MAGI2: variants seen among roughly 807,000 people sequenced by gnomAD.
The protein encoded by MAGI2 is membrane associated guanylate kinase, WW and PDZ domain containing 2.
A neutral mutation model predicts 133.3 loss-of-function variants in MAGI2; 35 were observed. That is an observed-to-expected ratio of 0.26 (90% CI 0.20 to 0.35). The LOEUF (loss-of-function observed/expected upper bound fraction) is 0.35, where lower values mean the gene tolerates loss of function less well. MAGI2 is among the 10% of genes least tolerant of loss of function. The pLI, the probability that MAGI2 is intolerant of heterozygous loss-of-function variation, is 1.00. For missense variants in MAGI2, 1,636 were observed against 1,863.4 expected, an observed-to-expected ratio of 0.88 and a Z score of 2.25; for synonymous variants, 729 against 710.6, an observed-to-expected ratio of 1.03 and a Z score of -0.41.
At position 79,375,424 on chromosome 7, in the gene MAGI2, T is replaced by G. The variant is rs186427458; in HGVS notation, c.301+77596A>C. 4.5e-4 allele frequency among the ~76,000 whole-genome samples: 69 copies of G among 152,078 alleles called. 1 individual carries two copies. ...CTTCGAAAAAACACTCTTCCTACTG[T>G]GCATATAGTTAGAAAACCTAAAGTA... On this transcript the variant is annotated intron_variant, in intron 1 of 21. Transcript: ENST00000354212.
At chr7:78,692,762 A>G (rs1015524220) in intron 2 of MAGI2, among the ~76,000 whole-genome samples, 8 of 152,202 alleles carry the variant, frequency 5.3e-5, no homozygotes, top group African/African-American at 1.4e-4. Flanking sequence ...ATTAAATAGC[A>G]CACGTATGAA....
intron 6 of MAGI2, among the ~76,000 whole-genome samples, chr7:78,371,087 CAA>C (rs1274069818): frequency 6.6e-6 from 1 of 151,826 alleles, no homozygotes; most frequent in Non-Finnish European, 1.5e-5. Flanking sequence ...ATTTAAATAT[CAA>C]TTCAGAAACT....
chr7:78,669,803 A>G (rs964557007), intron 2 of MAGI2, among the ~76,000 whole-genome samples: 2 of 152,220 alleles, frequency 1.3e-5, no homozygotes, highest in African/African-American at 4.8e-5. Context: ...AGCATATAAC[A>G]GAACCAAAGA....
Position 79,270,005 on chromosome 7 carries a change from T to A in MAGI2, c.301+183015A>T, listed in dbSNP as rs576560616. On this transcript the variant is annotated intron_variant, in intron 1 of 21. Transcript: ENST00000354212. ...TTGCTCCTATAAAAAACATCACTTC[T>A]GTAAAACTTAAGACTTTTTTAGAGA... Among the ~76,000 whole-genome samples, 68 of 152,302 alleles carry A rather than the reference T, an allele frequency of 4.5e-4. 1 individual carries two copies. The South Asian group carries it at 0.014, about 31-fold the overall frequency.
chr7:78,200,612 G>GTAT (rs1829159013), intron 11 of MAGI2, among the ~76,000 whole-genome samples: 1 of 151,844 alleles, frequency 6.6e-6, no homozygotes, highest in African/African-American at 2.4e-5. Flanking sequence ...TATACACAAA[G>GTAT]ACACATACAC....
intron 2 of MAGI2, among the ~76,000 whole-genome samples, chr7:78,675,610 A>G (rs555597731): frequency 1.1e-4 from 17 of 152,252 alleles, no homozygotes; most frequent in African/African-American, 4.1e-4. Flanking sequence ...ATTTTGTTAC[A>G]GATTTACATA....
At chr7:79,333,132 G>T (rs925632400) in intron 1 of MAGI2, among the ~76,000 whole-genome samples, 6 of 151,874 alleles carry the variant, frequency 4.0e-5, no homozygotes, top group African/African-American at 1.2e-4. Flanking sequence ...TCTTTTTTCA[G>T]TATTCATTTT....
intron 2 of MAGI2, among the ~76,000 whole-genome samples, chr7:78,696,178 T>A (rs1817494227): frequency 6.6e-6 from 1 of 152,186 alleles, no homozygotes; most frequent in Non-Finnish European, 1.5e-5. Flanking sequence ...CCTCAAGAGA[T>A]CCTCCTGCCT....
Position 78,019,427 on chromosome 7 carries a change from G to A in MAGI2, c.4256C>T (p.Pro1419Leu). The change falls in exon 22 of 22, where the codon CCG becomes CTG. Residue 1419 changes from proline to leucine, a missense_variant. Transcript: ENST00000354212. ...RAGPRPGPRP[P>L]GGAPARKAAV... ...GGCCTTGCGCGCCGGGGCGCCCCCCGGGGGTCGCGGGCCCGGCCGGGGACC... is the reference window on the plus strand; with the variant it reads ...GGCCTTGCGCGCCGGGGCGCCCCCCAGGGGTCGCGGGCCCGGCCGGGGACC... The A allele has an allele frequency of 4.8e-6, 5 of 1,050,538 alleles. No homozygotes were observed. Among genetic ancestry groups the A allele is most frequent in the Non-Finnish European group, 5.7e-6 (5 of 873,630 alleles). 65.1% of individuals were successfully genotyped at this position (1,050,538 alleles called of 1,614,324 possible). A position where few individuals can be genotyped will look rare whatever the true frequency, so the allele number is the denominator to read the frequency against.
intron 3 of MAGI2, among the ~76,000 whole-genome samples, chr7:78,625,353 A>C (rs2150950476): frequency 6.6e-6 from 1 of 152,176 alleles, no homozygotes; most frequent in East Asian, 1.9e-4. Context: ...ACAATTTTAA[A>C]TAGAAAAAAG....
At chr7:78,913,320 TCTC>T (rs1240270753) in intron 2 of MAGI2, among the ~76,000 whole-genome samples, 1 of 151,978 alleles carries the variant, frequency 6.6e-6, no homozygotes, top group Non-Finnish European at 1.5e-5. Flanking sequence ...GTAAGTGCAT[TCTC>T]CTGAAATCTG....
At chr7:78,220,249 CCTCTTTATAATTCTTAT>C (rs1380022520) in intron 10 of MAGI2, among the ~76,000 whole-genome samples, 1 of 152,158 alleles carries the variant, frequency 6.6e-6, no homozygotes, top group Non-Finnish European at 1.5e-5. Flanking sequence ...CACGAAGTTA[CCTCTTTATAATTCTTAT>C]CTCATGCACC....
At chr7:78,737,636 T>A (rs1009456461) in intron 2 of MAGI2, among the ~76,000 whole-genome samples, 4 of 152,312 alleles carry the variant, frequency 2.6e-5, no homozygotes, top group South Asian at 2.1e-4. Flanking sequence ...AATCCAGCTG[T>A]CTTCTATGAA....
chr7:79,315,325 A>ATTTTTTTTTTT (rs775143230), intron 1 of MAGI2, among the ~76,000 whole-genome samples: 2 of 92,496 alleles, frequency 2.2e-5, no homozygotes, highest in Non-Finnish European at 5.0e-5. Flanking sequence ...TGCCCAGTTA[A>ATTTTTTTTTTT]TTTTTTTTTT....
intron 1 of MAGI2, among the ~76,000 whole-genome samples, chr7:79,046,780 T>G (rs1377429248): frequency 6.6e-6 from 1 of 152,184 alleles, no homozygotes; most frequent in Non-Finnish European, 1.5e-5. Context: ...CTAAAGGCAC[T>G]GTAAAATTCT....
intron 1 of MAGI2, among the ~76,000 whole-genome samples, chr7:79,444,027 G>T (rs143166113): frequency 6.6e-6 from 1 of 151,978 alleles, no homozygotes; most frequent in Non-Finnish European, 1.5e-5. Flanking sequence ...ATCAATAAAC[G>T]TAATCCAGCA....
chr7:78,581,524 A>G (rs1350981077), intron 3 of MAGI2, among the ~76,000 whole-genome samples: 1 of 152,208 alleles, frequency 6.6e-6, no homozygotes, highest in African/African-American at 2.4e-5. Flanking sequence ...TAAGAGCAGT[A>G]ACTTCACACA....
chr7:78,500,211 A>G (rs1045129845), intron 5 of MAGI2, among the ~76,000 whole-genome samples: 1 of 152,240 alleles, frequency 6.6e-6, no homozygotes, highest in African/African-American at 2.4e-5. Flanking sequence ...AAATATTGGT[A>G]TGTGGTAACA....
chr7:78,242,075 C>T (rs1328549040), intron 10 of MAGI2, among the ~76,000 whole-genome samples: 1 of 146,628 alleles, frequency 6.8e-6, no homozygotes, highest in Non-Finnish European at 1.6e-5. Flanking sequence ...GACCACAAAC[C>T]ATTTTTTAAT....
Sources: gnomAD v4.1 joint callset for allele counts (sites outside exome capture counted in the v4.1 genomes callset) on GRCh38, gnomAD v4.1.1 for gene constraint, MANE v1.5 for transcripts, NCBI Gene and HGNC (gene_info 2026-07-23, HGNC 2026-07-21) for gene names.